Variants in CAPZA2 observed in about 807,000 individuals in gnomAD.
The protein encoded by CAPZA2 is F-actin-capping protein subunit alpha-2.
A neutral mutation model predicts 44.0 loss-of-function variants in CAPZA2; 13 were observed. The observed-to-expected ratio is 0.30, with a 90% CI of 0.19 to 0.47. CAPZA2 has a LOEUF of 0.47. CAPZA2 is among the 20% of genes least tolerant of loss of function. The pLI, the probability that CAPZA2 is intolerant of heterozygous loss-of-function variation, is 1.00. For synonymous variants in CAPZA2, 94 were observed against 108.2 expected, an observed-to-expected ratio of 0.87 and a Z score of 0.81; for missense variants, 244 against 338.6, an observed-to-expected ratio of 0.72 and a Z score of 2.19.
intron 2 of CAPZA2, among the ~76,000 whole-genome samples, chr7:116,892,039 C>G (rs1376014434): frequency 6.6e-6 from 1 of 152,140 alleles, no homozygotes; most frequent in Non-Finnish European, 1.5e-5. Context: ...GTATATTTAA[C>G]AATACATAAA....
chr7:116,873,199 A>G (rs1796573068), intron 1 of CAPZA2, among the ~76,000 whole-genome samples: 1 of 152,176 alleles, frequency 6.6e-6, no homozygotes, highest in South Asian at 2.1e-4. Flanking sequence ...CATTTTTAGT[A>G]TAGCTATTTC....
chr7:116,903,233 A>T (rs1370318127), intron 4 of CAPZA2, among the ~76,000 whole-genome samples: 5 of 146,338 alleles, frequency 3.4e-5, no homozygotes, highest in Non-Finnish European at 7.5e-5. Flanking sequence ...TGCAGAGAAG[A>T]GTGTGTGTGT....
intron 6 of CAPZA2, among the ~76,000 whole-genome samples, chr7:116,909,486 CCATGAA>C (rs1791558257): frequency 6.6e-6 from 1 of 151,738 alleles, no homozygotes; most frequent in African/African-American, 2.4e-5. Flanking sequence ...CAGTTTCAAA[CCATGAA>C]TATGTATTTG....
In CAPZA2 at chr7:116,899,857, TAAAAC is replaced by T. The variant is rs531295840; in HGVS notation, c.219+1027_219+1031del. ...TATTAAATATTTAAAACTAAAAAGATAAAACAAAAAAGGTAAACAGTATACTAACT... is the reference window on the plus strand; with the variant it reads ...TATTAAATATTTAAAACTAAAAAGATAAAAAAGGTAAACAGTATACTAACT... On this transcript the variant is annotated intron_variant, in intron 4 of 9. Transcript: ENST00000361183. Among the ~76,000 whole-genome samples the T allele has an allele frequency of 4.8e-3, 727 of 151,490 alleles. 2 individuals are homozygous for T. The highest frequency in any genetic ancestry group is 0.011 in the Middle Eastern group (3 of 272).
At chr7:116,892,890 G>A (rs1216613189) in intron 2 of CAPZA2, 104 bp from the exon 3 acceptor site, 1 of 516,586 alleles carries the variant, frequency 1.9e-6, no homozygotes, top group East Asian at 3.4e-5. Context: ...GATCTTGCTT[G>A]TGTTTGGGGT....
rs1423111688 is a variant in CAPZA2 at position 116,906,353 on chromosome 7, AT to A, written c.506+15del. ...AGCAAAAAATTTTTGGTAAGTTAAAATTTTGGATATTGGGGAGTTTTGGCAT... is the reference window on the plus strand; with the variant it reads ...AGCAAAAAATTTTTGGTAAGTTAAAATTTGGATATTGGGGAGTTTTGGCAT... On this transcript the variant is annotated intron_variant, in intron 6 of 9. Coordinates refer to ENST00000361183, the MANE Select transcript of CAPZA2 (RefSeq NM_006136.3). 1 of 1,610,400 alleles carries A rather than the reference AT, an allele frequency of 6.2e-7. No individual in the cohort carries two copies. The highest frequency in any genetic ancestry group is 1.7e-5 in the Admixed American group (1 of 58,604).
At chr7:116,906,450 T>A in intron 6 of CAPZA2, 108 bp downstream of exon 6, 11 of 1,455,358 alleles carry the variant, frequency 7.6e-6, no homozygotes, top group African/African-American at 1.4e-5. Flanking sequence ...TTAAGAACAA[T>A]TTAGAGATGG....
chr7:116,911,309 A>G (rs1187381848), intron 7 of CAPZA2, among the ~76,000 whole-genome samples: 2 of 152,174 alleles, frequency 1.3e-5, no homozygotes, highest in Non-Finnish European at 2.9e-5. Flanking sequence ...ACTGCCATCA[A>G]AAAGATAGTT....
intron 4 of CAPZA2, among the ~76,000 whole-genome samples, chr7:116,903,635 A>G (rs1161402516): frequency 6.6e-6 from 1 of 152,218 alleles, no homozygotes; most frequent in Non-Finnish European, 1.5e-5. Context: ...GAAATGAAGT[A>G]TGTTTTTAAA....
chr7:116,896,872 TG>T (rs1403814651), intron 3 of CAPZA2, among the ~76,000 whole-genome samples: 1 of 152,118 alleles, frequency 6.6e-6, no homozygotes, highest in Non-Finnish European at 1.5e-5. Flanking sequence ...TCCAAACTAC[TG>T]TTTTTGTATC....
chr7:116,873,292 GT>G (rs1796574715), intron 1 of CAPZA2, among the ~76,000 whole-genome samples: 1 of 152,044 alleles, frequency 6.6e-6, no homozygotes, highest in Admixed American at 6.6e-5. Flanking sequence ...CTGTTTGGGG[GT>G]TTTGTTTTTT....
Position 116,919,393 on chromosome 7 carries a change from G to A in CAPZA2, c.*1526G>A, listed in dbSNP as rs1004542701. On this transcript the variant is annotated 3_prime_UTR_variant, in exon 10 of 10. Coordinates refer to ENST00000361183, the MANE Select transcript of CAPZA2 (RefSeq NM_006136.3). Reference sequence around the variant, plus strand: ...TATATATATTTGAAAGTTTGATGATGGTGAACTAAATACTAGATCTAATTG... The same window carrying A: ...TATATATATTTGAAAGTTTGATGATAGTGAACTAAATACTAGATCTAATTG... The A allele has an allele frequency of 3.9e-5, 6 of 152,024 alleles. No homozygotes were observed. Among genetic ancestry groups the A allele is most frequent in the African/African-American group, 7.3e-5 (3 of 41,294 alleles). The allele number at this position is 152,024 out of a possible 1,614,324, so 9.4% of individuals were successfully genotyped here.
intron 3 of CAPZA2, among the ~76,000 whole-genome samples, chr7:116,897,577 A>G (rs1465385418): frequency 6.6e-6 from 1 of 152,164 alleles, no homozygotes; most frequent in African/African-American, 2.4e-5. Flanking sequence ...ATAATCTGGA[A>G]GTTTCCAAGT....
At chr7:116,909,769 A>G (rs1310175411) in intron 6 of CAPZA2, 3 of 171,268 alleles carry the variant, frequency 1.8e-5, no homozygotes, top group Admixed American at 5.6e-5. Context: ...CATTTATTCC[A>G]TTTATTTTGG....
intron 7 of CAPZA2, among the ~76,000 whole-genome samples, chr7:116,910,652 A>C (rs562075805): frequency 1.3e-5 from 2 of 152,256 alleles, no homozygotes; most frequent in African/African-American, 4.8e-5. Flanking sequence ...AGTGGGGTGA[A>C]GTATCATATT....
intron 1 of CAPZA2, among the ~76,000 whole-genome samples, chr7:116,887,853 TAAATA>T (rs1796783962): frequency 6.6e-6 from 1 of 152,250 alleles, no homozygotes; most frequent in Non-Finnish European, 1.5e-5. Context: ...AAATTAAAGT[TAAATA>T]AAATAAGAAA....
chr7:116,914,848 A>G (rs1791658187), intron 8 of CAPZA2, among the ~76,000 whole-genome samples: 1 of 152,208 alleles, frequency 6.6e-6, no homozygotes, highest in African/African-American at 2.4e-5. Context: ...TTTGCCAGTG[A>G]AAAAAACTTA....
chr7:116,876,459 A>G (rs527338361), intron 1 of CAPZA2: 1 of 152,342 alleles, frequency 6.6e-6, no homozygotes, highest in South Asian at 2.1e-4. Context: ...AGGAAACTAG[A>G]TAATCACACT....
chr7:116,907,855 CACTTA>C (rs757734512), intron 6 of CAPZA2, among the ~76,000 whole-genome samples: 17 of 152,270 alleles, frequency 1.1e-4, no homozygotes, highest in South Asian at 2.1e-4. Flanking sequence ...AGCATTGTAT[CACTTA>C]ACTTAATGGC....
Sources: allele counts gnomAD v4.1 joint callset (sites outside exome capture counted in the v4.1 genomes callset), GRCh38; gene constraint gnomAD v4.1.1; transcripts MANE v1.5; gene names NCBI Gene and HGNC (gene_info 2026-07-23, HGNC 2026-07-21).